CLVS1: variants seen among roughly 807,000 people sequenced by gnomAD.
CLVS1 encodes clavesin-1.
A neutral mutation model predicts 33.1 loss-of-function variants in CLVS1; 10 were observed. The observed-to-expected ratio is 0.30, with a 90% confidence interval of 0.19 to 0.51. CLVS1 has a LOEUF of 0.51. CLVS1 is among the 20% of genes least tolerant of loss of function. The pLI is 0.97. For synonymous variants in CLVS1, 163 were observed against 166.1 expected (o/e 0.98, Z 0.14); for missense variants, 343 against 433.4 (o/e 0.79, Z 1.85).
chr8:61,231,452 T>C (rs1173247054), intron 2 of CLVS1, among the ~76,000 whole-genome samples: 2 of 152,196 alleles, frequency 1.3e-5, no homozygotes, highest in African/African-American at 4.8e-5. Context: ...GGTAGGTCTC[T>C]GTATTTTTTA....
intron 1 of CLVS1, among the ~76,000 whole-genome samples, chr8:61,288,918 G>T (rs1230901545): frequency 6.6e-6 from 1 of 152,146 alleles, no homozygotes; most frequent in Non-Finnish European, 1.5e-5. Context: ...GTTAACTCTG[G>T]CAAGAATAAA....
At chr8:60,999,243 C>T in the CLVS1 span, among the ~76,000 whole-genome samples, 3 of 152,218 alleles carry the variant, frequency 2.0e-5, no homozygotes, top group African/African-American at 7.2e-5. Context: ...CTGGCAGTTA[C>T]TGTGCAAAGG....
intron 1 of CLVS1, among the ~76,000 whole-genome samples, chr8:61,290,007 A>G (rs1177278314): frequency 6.6e-6 from 1 of 152,242 alleles, no homozygotes; most frequent in African/African-American, 2.4e-5. Context: ...TATCCACAGT[A>G]ACCAAGACCT....
the CLVS1 span, among the ~76,000 whole-genome samples, chr8:61,020,208 C>G: frequency 6.6e-6 from 1 of 152,178 alleles, no homozygotes; most frequent in Admixed American, 6.5e-5. Flanking sequence ...TGCTTCTATT[C>G]TCATTTTGGG....
At chr8:61,389,676 C>T (rs1027527251) in intron 3 of CLVS1, among the ~76,000 whole-genome samples, 2 of 152,170 alleles carry the variant, frequency 1.3e-5, no homozygotes, top group Admixed American at 1.3e-4. Context: ...AGAGCACTGG[C>T]ATATCATAGA....
intron 2 of CLVS1, among the ~76,000 whole-genome samples, chr8:61,152,973 C>T (rs1027421242): frequency 6.6e-6 from 1 of 152,048 alleles, no homozygotes; most frequent in African/African-American, 2.4e-5. Context: ...GAGACCAGCC[C>T]TGGGCAACAT....
At chr8:61,286,793 CAAGT>C (rs1195756024), upstream of CLVS1, among the ~76,000 whole-genome samples, 1 of 152,130 alleles carries the variant, frequency 6.6e-6, no homozygotes, top group African/African-American at 2.4e-5. Flanking sequence ...TAAGCAAATA[CAAGT>C]AAGAAAATCA....
intron 2 of CLVS1, among the ~76,000 whole-genome samples, chr8:61,322,659 C>T (rs1288677283): frequency 1.3e-5 from 2 of 152,122 alleles, no homozygotes; most frequent in Non-Finnish European, 2.9e-5. Flanking sequence ...TAGGGCAGCT[C>T]TTACTTTCTG....
chr8:61,074,009 C>CAAAA (rs35959369), intron 1 of CLVS1, among the ~76,000 whole-genome samples: 3 of 70,360 alleles, frequency 4.3e-5, no homozygotes, highest in African/African-American at 1.5e-4. Flanking sequence ...GACTCCGTCT[C>CAAAA]AAAAAAAAAA....
the CLVS1 span, among the ~76,000 whole-genome samples, chr8:61,030,420 A>T: frequency 6.6e-6 from 1 of 152,156 alleles, no homozygotes; most frequent in East Asian, 1.9e-4. Context: ...ACATTAATGG[A>T]GATGGGGGCT....
chr8:60,978,680 T>C, the CLVS1 span, among the ~76,000 whole-genome samples: 3 of 151,572 alleles, frequency 2.0e-5, no homozygotes, highest in Admixed American at 6.6e-5. Context: ...CCAGGGGTGA[T>C]GGCACCTGCC....
At chr8:61,002,205 C>A in the CLVS1 span, among the ~76,000 whole-genome samples, 1 of 151,968 alleles carries the variant, frequency 6.6e-6, no homozygotes, top group African/African-American at 2.4e-5. Flanking sequence ...TGGTCTTGAA[C>A]TCCTGGGCTC....
At chr8:61,072,368 T>C (rs1323677585) in intron 1 of CLVS1, among the ~76,000 whole-genome samples, 1 of 152,186 alleles carries the variant, frequency 6.6e-6, no homozygotes, top group Non-Finnish European at 1.5e-5. Context: ...GAAAAGTAAA[T>C]ATTCCTTTGA....
chr8:61,041,274 C>T, the CLVS1 span, among the ~76,000 whole-genome samples: 3 of 152,080 alleles, frequency 2.0e-5, no homozygotes, highest in Admixed American at 2.0e-4. Context: ...GTAATGCCTC[C>T]AGCTATGTTG....
At chr8:61,393,104 A>G (rs529713039) in intron 3 of CLVS1, among the ~76,000 whole-genome samples, 34 of 151,308 alleles carry the variant, frequency 2.2e-4, no homozygotes, top group African/African-American at 8.2e-4. Context: ...CTGATCTCCA[A>G]CTCCTGGCCT....
intron 2 of CLVS1, among the ~76,000 whole-genome samples, chr8:61,249,362 A>G (rs1260533402): frequency 6.6e-6 from 1 of 152,198 alleles, no homozygotes; most frequent in Non-Finnish European, 1.5e-5. Context: ...GCTATTGTGA[A>G]TAGTGCTGCA....
the CLVS1 span, among the ~76,000 whole-genome samples, chr8:61,011,801 T>C: frequency 0.017 from 2,653 of 152,324 alleles, 73 homozygotes; most frequent in African/African-American, 0.06. Flanking sequence ...TTCGGTGCCA[T>C]GTTATTGTTG....
At chr8:61,011,600 C>T in the CLVS1 span, among the ~76,000 whole-genome samples, 3 of 152,048 alleles carry the variant, frequency 2.0e-5, no homozygotes, top group Non-Finnish European at 4.4e-5. Context: ...AGGGGCCTGC[C>T]ACCACACTTG....
chr8:61,410,951 T>A (rs1351629330), intron 3 of CLVS1, among the ~76,000 whole-genome samples: 1 of 152,130 alleles, frequency 6.6e-6, no homozygotes, highest in Non-Finnish European at 1.5e-5. Flanking sequence ...CAAATTTCAT[T>A]ATTAAAACTG....
Sources: gnomAD v4.1 joint callset for allele counts (sites outside exome capture counted in the v4.1 genomes callset) on GRCh38, gnomAD v4.1.1 for gene constraint, MANE v1.5 for transcripts, NCBI Gene and HGNC (gene_info 2026-07-23, HGNC 2026-07-21) for gene names.